Variants in RALGAPA2 observed in about 807,000 individuals in gnomAD.
The protein encoded by RALGAPA2 is ral GTPase-activating protein subunit alpha-2.
Under a neutral mutation model 230.4 loss-of-function variants are expected in RALGAPA2, and 139 were observed. That is an observed-to-expected ratio of 0.60 (90% CI 0.53 to 0.69). The LOEUF is 0.69. RALGAPA2 is among the 30% of genes least tolerant of loss of function. The pLI, the probability that RALGAPA2 is intolerant of heterozygous loss-of-function variation, is 0.00. For missense variants in RALGAPA2, 2,163 were observed against 2,276.0 expected (o/e 0.95, Z 1.01); for synonymous variants, 847 against 837.8 (o/e 1.01, Z -0.19).
chr20:20,530,539 A>T (rs2063341450), intron 27 of RALGAPA2, among the ~76,000 whole-genome samples: 1 of 152,170 alleles, frequency 6.6e-6, no homozygotes, highest in Non-Finnish European at 1.5e-5. Context: ...CAAGGATGGG[A>T]GACAGCACTG....
intron 31 of RALGAPA2, among the ~76,000 whole-genome samples, chr20:20,519,876 ATTTTT>A (rs890839627): frequency 6.8e-6 from 1 of 146,240 alleles, no homozygotes; most frequent in Non-Finnish European, 1.5e-5. Flanking sequence ...CATCTCTTTA[ATTTTT>A]TTTTTTTTAA....
rs201292115 is a variant in RALGAPA2 at position 20,411,982 on chromosome 20, G to C, written c.5617+45C>G. The stretch of plus-strand genomic sequence containing the variant: ...AAAAACAGGTGTACATCTGCTGCTC[G>C]AATGCGTCTTAAGCGCGTGAGAGAA... On this transcript the variant is annotated intron_variant, in intron 38 of 39. Coordinates refer to ENST00000202677, the MANE Select transcript of RALGAPA2 (RefSeq NM_020343.4). 10 of 1,608,032 alleles carry C rather than the reference G, an allele frequency of 6.2e-6. No individual in the cohort carries two copies. The Admixed American group carries it at 1.5e-4, about 24-fold the overall frequency.
At chr20:20,592,549 G>A (rs183391921) in intron 16 of RALGAPA2, among the ~76,000 whole-genome samples, 5 of 152,222 alleles carry the variant, frequency 3.3e-5, no homozygotes, top group East Asian at 3.9e-4. Flanking sequence ...ACTCACTGAC[G>A]TAGTCATGAA....
At chr20:20,527,259 G>A (rs781461099) in intron 27 of RALGAPA2, among the ~76,000 whole-genome samples, 16 of 152,162 alleles carry the variant, frequency 1.1e-4, no homozygotes, top group Non-Finnish European at 1.9e-4. Context: ...TAAGGAAGAA[G>A]ATAAGGGAAA....
intron 35 of RALGAPA2, among the ~76,000 whole-genome samples, chr20:20,502,710 G>C (rs2062412840): frequency 6.6e-6 from 1 of 152,180 alleles, no homozygotes; most frequent in African/African-American, 2.4e-5. Flanking sequence ...TTCCCCACCT[G>C]CTAGCAGGCC....
At chr20:20,557,799 T>C (rs1286170254) in intron 23 of RALGAPA2, among the ~76,000 whole-genome samples, 1 of 151,990 alleles carries the variant, frequency 6.6e-6, no homozygotes, top group Non-Finnish European at 1.5e-5. Context: ...ATCCGAGAGA[T>C]CATCATTCAA....
intron 23 of RALGAPA2, among the ~76,000 whole-genome samples, chr20:20,566,485 G>A (rs1271352873): frequency 6.6e-6 from 1 of 152,010 alleles, no homozygotes; most frequent in Admixed American, 6.5e-5. Context: ...TATGTTCAAA[G>A]TAAGAAAATG....
chr20:20,536,231 TC>T, intron 25 of RALGAPA2, among the ~76,000 whole-genome samples: 1 of 152,220 alleles, frequency 6.6e-6, no homozygotes, highest in East Asian at 1.9e-4. Context: ...ACTTTTATTC[TC>T]CAATAAATAA....
At chr20:20,633,775 G>A (rs1312303721) in intron 9 of RALGAPA2, among the ~76,000 whole-genome samples, 1 of 152,218 alleles carries the variant, frequency 6.6e-6, no homozygotes, top group Non-Finnish European at 1.5e-5. Context: ...ACCGTGCCCA[G>A]CCTACATTTC....
intron 1 of RALGAPA2, among the ~76,000 whole-genome samples, chr20:20,710,748 C>A (rs1344122675): frequency 6.6e-6 from 1 of 152,192 alleles, no homozygotes; most frequent in Non-Finnish European, 1.5e-5. Context: ...TAAGAAATAA[C>A]CTGATCTAGG....
chr20:20,628,823 C>A (rs1335987980), intron 10 of RALGAPA2, among the ~76,000 whole-genome samples: 1 of 152,176 alleles, frequency 6.6e-6, no homozygotes, highest in African/African-American at 2.4e-5. Context: ...TTTGCTCACA[C>A]CTCTTTTCGT....
intron 14 of RALGAPA2, among the ~76,000 whole-genome samples, chr20:20,610,054 G>T (rs930780316): frequency 6.6e-6 from 1 of 152,154 alleles, no homozygotes; most frequent in Non-Finnish European, 1.5e-5. Flanking sequence ...TAGCTTTAAA[G>T]AAATAATTTC....
At chr20:20,503,798 T>C (rs1196497202) in intron 34 of RALGAPA2, among the ~76,000 whole-genome samples, 8 of 152,210 alleles carry the variant, frequency 5.3e-5, no homozygotes, top group Non-Finnish European at 7.3e-5. Flanking sequence ...TGTGTATATA[T>C]GCATATATGT....
intron 33 of RALGAPA2, among the ~76,000 whole-genome samples, chr20:20,508,720 C>T (rs936155804): frequency 9.9e-5 from 15 of 152,222 alleles, no homozygotes; most frequent in African/African-American, 3.6e-4. Context: ...TGCTACCTGA[C>T]CAAAATACAG....
chr20:20,552,806 T>C (rs565415865), intron 23 of RALGAPA2, among the ~76,000 whole-genome samples: 134 of 152,238 alleles, frequency 8.8e-4, no homozygotes, highest in Non-Finnish European at 1.0e-3. Flanking sequence ...ACCTCAAAGC[T>C]CCAAGGCCTG....
chr20:20,605,280 C>T lies in RALGAPA2; in HGVS notation c.1933G>A (p.Asp645Asn). 1 of 1,613,814 alleles carries T rather than the reference C, an allele frequency of 6.2e-7. No individual in the cohort carries two copies. Among genetic ancestry groups the T allele is most frequent in the African/African-American group, 1.3e-5 (1 of 74,996 alleles). ...CTTGCAAGCACTGCTGTCAAGGAGTCCATAATGTTGGCCCACTCGTTTATA... is the reference window on the plus strand; with the variant it reads ...CTTGCAAGCACTGCTGTCAAGGAGTTCATAATGTTGGCCCACTCGTTTATA... ...ELINEWANIM[D>N]SLTAVLARTV... is the part of the protein sequence containing the mutation. The change falls in exon 15 of 40, where the codon GAC becomes AAC. Residue 645 changes from aspartate (D) to asparagine (N), a missense_variant. Physicochemically the swap from Asp to Asn is conservative, Grantham distance 23. Coordinates refer to ENST00000202677, the MANE Select transcript of RALGAPA2 (RefSeq NM_020343.4).
chr20:20,467,482 A>G (rs936975214), intron 37 of RALGAPA2, among the ~76,000 whole-genome samples: 1 of 152,312 alleles, frequency 6.6e-6, no homozygotes, highest in African/African-American at 2.4e-5. Flanking sequence ...TTCTAAAAAA[A>G]TATTTCTTGT....
intron 28 of RALGAPA2, among the ~76,000 whole-genome samples, chr20:20,525,762 G>A (rs533103367): frequency 2.0e-5 from 3 of 152,148 alleles, no homozygotes; most frequent in African/African-American, 4.8e-5. Context: ...TATTCCTTCC[G>A]CCCCTCTTTC....
At chr20:20,549,334 TAA>T (rs2063858836) in intron 23 of RALGAPA2, among the ~76,000 whole-genome samples, 1 of 152,152 alleles carries the variant, frequency 6.6e-6, no homozygotes, top group Non-Finnish European at 1.5e-5. Flanking sequence ...GTAGCTGAGA[TAA>T]AGTCACATGG....
Sources: gnomAD v4.1 joint callset for allele counts (sites outside exome capture counted in the v4.1 genomes callset) on GRCh38, gnomAD v4.1.1 for gene constraint, MANE v1.5 for transcripts, NCBI Gene and HGNC (gene_info 2026-07-23, HGNC 2026-07-21) for gene names.